MAPK10: variants seen among roughly 807,000 people sequenced by gnomAD.
The protein encoded by MAPK10 is mitogen-activated protein kinase 10.
In MAPK10, 25 loss-of-function variants were observed where a neutral mutation model predicts 59.3. That is an observed-to-expected ratio of 0.42 (90% CI 0.31 to 0.59). The LOEUF is 0.59. Ranked by LOEUF, MAPK10 falls within the 20% of genes least tolerant of loss-of-function variation. The pLI is 0.15. For missense variants in MAPK10, 351 were observed against 568.9 expected, an observed-to-expected ratio of 0.62 and a Z score of 3.90; for synonymous variants, 190 against 200.5, an observed-to-expected ratio of 0.95 and a Z score of 0.44.
intron 1 of MAPK10, among the ~76,000 whole-genome samples, chr4:86,592,614 G>A (rs1763137169): frequency 6.6e-6 from 1 of 152,172 alleles, no homozygotes; most frequent in Non-Finnish European, 1.5e-5. Context: ...CTCCCTGATA[G>A]ATGATCCAGA....
chr4:86,321,248 G>A (rs1365784949), intron 2 of MAPK10, among the ~76,000 whole-genome samples: 1 of 151,934 alleles, frequency 6.6e-6, no homozygotes, highest in Non-Finnish European at 1.5e-5. Flanking sequence ...TATACCCAAA[G>A]GACTATAAAT....
intron 1 of MAPK10, among the ~76,000 whole-genome samples, chr4:86,387,843 G>A (rs1314847078): frequency 1.3e-5 from 2 of 151,848 alleles, no homozygotes; most frequent in Non-Finnish European, 2.9e-5. Context: ...GATCTATCTG[G>A]TGCTGATTTA....
chr4:86,293,222 G>A (rs912159371), intron 2 of MAPK10, among the ~76,000 whole-genome samples: 9 of 152,150 alleles, frequency 5.9e-5, no homozygotes, highest in African/African-American at 2.2e-4. Flanking sequence ...TGAGGTACAG[G>A]AAAATATCAA....
chr4:86,206,263 T>C (rs2083919553), intron 2 of MAPK10, among the ~76,000 whole-genome samples: 1 of 151,884 alleles, frequency 6.6e-6, no homozygotes, highest in Non-Finnish European at 1.5e-5. Flanking sequence ...TTCGCATTGT[T>C]CAATTCCCAC....
At chr4:86,181,408 G>T (rs1005493029) in intron 3 of MAPK10, among the ~76,000 whole-genome samples, 5 of 152,090 alleles carry the variant, frequency 3.3e-5, no homozygotes, top group Middle Eastern at 3.4e-3. Flanking sequence ...TCAAAATCAG[G>T]AAATAATTTA....
chr4:86,474,993 G>T (rs1752958217), intron 1 of MAPK10, among the ~76,000 whole-genome samples: 1 of 152,026 alleles, frequency 6.6e-6, no homozygotes, highest in Non-Finnish European at 1.5e-5. Flanking sequence ...GCTCATCCTG[G>T]CTCAAAAAGC....
chr4:86,378,450 C>G (rs979984271), intron 1 of MAPK10, among the ~76,000 whole-genome samples: 17 of 151,664 alleles, frequency 1.1e-4, no homozygotes, highest in African/African-American at 4.1e-4. Context: ...TCACCTCTAT[C>G]CCTTACTCAC....
chr4:86,439,723 G>C (rs1749193813), intron 1 of MAPK10, among the ~76,000 whole-genome samples: 1 of 152,188 alleles, frequency 6.6e-6, no homozygotes, highest in African/African-American at 2.4e-5. Flanking sequence ...ACGTGTGAGA[G>C]TTCTAGTTGT....
upstream of MAPK10, among the ~76,000 whole-genome samples, chr4:86,361,444 T>C (rs1054472141): frequency 6.6e-6 from 1 of 152,200 alleles, no homozygotes; most frequent in African/African-American, 2.4e-5. Flanking sequence ...AACAACTTTA[T>C]AACACAAAAT....
At chr4:86,102,913 G>C (rs1208141090) in intron 6 of MAPK10, 6 of 259,316 alleles carry the variant, frequency 2.3e-5, no homozygotes, top group African/African-American at 6.6e-5. Context: ...GAGTGACCAA[G>C]AGCATGGAAC....
intron 2 of MAPK10, among the ~76,000 whole-genome samples, chr4:86,303,001 T>G (rs1160396013): frequency 6.6e-6 from 1 of 152,182 alleles, no homozygotes; most frequent in Non-Finnish European, 1.5e-5. Context: ...CACTTTAGAC[T>G]CAAACATCCC....
intron 4 of MAPK10, among the ~76,000 whole-genome samples, chr4:86,139,456 G>T (rs1308129062): frequency 3.3e-5 from 5 of 150,844 alleles, no homozygotes; most frequent in Admixed American, 2.6e-4. Flanking sequence ...TTAATAAATG[G>T]TGCTGGGAAA....
intron 1 of MAPK10, among the ~76,000 whole-genome samples, chr4:86,397,294 A>ATATAATGCAAGGT (rs1743067600): frequency 6.6e-6 from 1 of 152,146 alleles, no homozygotes. Flanking sequence ...GAATTTAGTC[A>ATATAATGCAAGGT]TTCTTAATGA....
chr4:86,155,978 T>A (rs2149219698), intron 4 of MAPK10, among the ~76,000 whole-genome samples: 1 of 152,084 alleles, frequency 6.6e-6, no homozygotes, highest in South Asian at 2.1e-4. Flanking sequence ...CACAAAGGGA[T>A]GAGTCACATC....
intron 1 of MAPK10, among the ~76,000 whole-genome samples, chr4:86,404,441 T>C (rs114412105): frequency 1.3e-5 from 2 of 152,202 alleles, no homozygotes; most frequent in Non-Finnish European, 2.9e-5. Context: ...TCATTCATGA[T>C]TCATTGACTC....
chr4:86,357,623 T>C (rs1164199924), intron 1 of MAPK10: 3 of 152,160 alleles, frequency 2.0e-5, no homozygotes, highest in African/African-American at 7.2e-5. Context: ...TAAATACTAA[T>C]AGCTGCAGAC....
intron 1 of MAPK10, among the ~76,000 whole-genome samples, chr4:86,379,631 C>G (rs1365979214): frequency 6.6e-6 from 1 of 152,194 alleles, no homozygotes; most frequent in Non-Finnish European, 1.5e-5. Flanking sequence ...GCCATCTGTG[C>G]CTTAAGGATG....
chr4:86,561,796 A>G (rs191578216), intron 1 of MAPK10, among the ~76,000 whole-genome samples: 1 of 152,342 alleles, frequency 6.6e-6, no homozygotes, highest in Non-Finnish European at 1.5e-5. Flanking sequence ...CAAGAAGCAG[A>G]CAGAGGACTT....
intron 2 of MAPK10, among the ~76,000 whole-genome samples, chr4:86,256,013 C>T (rs7687046): frequency 6.6e-6 from 1 of 152,028 alleles, no homozygotes; most frequent in African/African-American, 2.4e-5. Context: ...GAAAGGAAGG[C>T]GAGCAGGTGT....
Sources: allele counts gnomAD v4.1 joint callset (sites outside exome capture counted in the v4.1 genomes callset), GRCh38; gene constraint gnomAD v4.1.1; transcripts MANE v1.5; gene names NCBI Gene and HGNC (gene_info 2026-07-23, HGNC 2026-07-21).